DHRSX: variants seen among roughly 807,000 people sequenced by gnomAD.
DHRSX encodes polyprenol dehydrogenase.
DHRSX carries 31 observed loss-of-function variants against 34.0 expected under a neutral mutation model. The observed-to-expected ratio is 0.91, with a 90% CI of 0.69 to 1.23. The LOEUF is 1.23. Ranked by LOEUF, DHRSX falls within the 50% of genes most tolerant of loss-of-function variation. The pLI is 0.00. For missense variants in DHRSX, 414 were observed against 428.1 expected, an observed-to-expected ratio of 0.97 and a Z score of 0.29; for synonymous variants, 201 against 183.8, an observed-to-expected ratio of 1.09 and a Z score of -0.76.
intron 4 of DHRSX, among the ~76,000 whole-genome samples, chrX:2,270,590 GTGGAGGCTTGACAA>G (rs2041537502): frequency 6.6e-6 from 1 of 152,170 alleles, no homozygotes; most frequent in African/African-American, 2.4e-5. Context: ...CCTGGCCCCA[GTGGAGGCTTGACAA>G]TTGTGAGGTC....
rs190002850 is a variant in DHRSX at position 2,302,915 on chromosome X, G to T, written c.287-11312C>A. On this transcript the variant is annotated intron_variant, in intron 3 of 6. Coordinates refer to ENST00000334651, the MANE Select transcript of DHRSX (RefSeq NM_145177.3). Reference sequence around the variant, plus strand: ...CAGTTATCAATCTGCTGCAGATTAGGGGAGAGGCAGTTTTGCCATGGAGAG... The same window carrying T: ...CAGTTATCAATCTGCTGCAGATTAGTGGAGAGGCAGTTTTGCCATGGAGAG... 1.9e-3 allele frequency among the ~76,000 whole-genome samples: 296 copies of T among 152,158 alleles called. 1 individual carries two copies. The highest frequency in any genetic ancestry group is 6.9e-3 in the African/African-American group (287 of 41,528).
rs751239219 is a variant in DHRSX at position 2,329,686 on chromosome X, T to G, written c.287-38083A>C. On this transcript the variant is annotated intron_variant, in intron 3 of 6. Coordinates refer to ENST00000334651, the MANE Select transcript of DHRSX (RefSeq NM_145177.3). ...AAACACTATGACATCCACCACTGTT[T>G]GGTCACACCAATTCTTGACATTAAC... 2.0e-4 allele frequency among the ~76,000 whole-genome samples: 30 copies of G among 152,272 alleles called. No individual in the cohort carries two copies. In the East Asian group the frequency reaches 3.3e-3, roughly 17 times the overall value.
At chrX:2,380,247 G>C (rs2043187271) in intron 3 of DHRSX, among the ~76,000 whole-genome samples, 1 of 136,158 alleles carries the variant, frequency 7.3e-6, no homozygotes, top group Non-Finnish European at 1.5e-5. Flanking sequence ...GTTGCAGTGA[G>C]CTGAGATCAT....
chrX:2,451,628 A>G (rs1242148164), intron 1 of DHRSX, among the ~76,000 whole-genome samples: 1 of 152,218 alleles, frequency 6.6e-6, no homozygotes, highest in Non-Finnish European at 1.5e-5. Flanking sequence ...CCACGTGCAG[A>G]GAGGAGCAGG....
chrX:2,263,512 CTTTTTTTT>C (rs775187535), intron 5 of DHRSX, among the ~76,000 whole-genome samples: 24 of 130,460 alleles, frequency 1.8e-4, no homozygotes, highest in East Asian at 2.2e-4. Flanking sequence ...ATTTTTCTTT[CTTTTTTTT>C]TTTTTTTTTT....
chrX:2,282,510 C>A (rs1399241444), intron 4 of DHRSX, among the ~76,000 whole-genome samples: 1 of 131,858 alleles, frequency 7.6e-6, no homozygotes, highest in Admixed American at 8.1e-5. Flanking sequence ...GATAGAGAGA[C>A]AAGGGGAGAG....
At chrX:2,224,750 T>C (rs73626157) in intron 6 of DHRSX, among the ~76,000 whole-genome samples, 131,703 of 151,902 alleles carry the variant, frequency 0.87, 57,601 homozygotes, top group African/African-American at 0.96. Context: ...ACATGCACAC[T>C]TACTTGCACA....
intron 3 of DHRSX, among the ~76,000 whole-genome samples, chrX:2,365,012 A>G (rs112610771): frequency 2.6e-5 from 4 of 152,126 alleles, no homozygotes; most frequent in Non-Finnish European, 5.9e-5. Context: ...GACAACTGGC[A>G]TATCTATCTA....
chrX:2,382,156 C>A (rs1391109061), intron 3 of DHRSX, among the ~76,000 whole-genome samples: 1 of 152,122 alleles, frequency 6.6e-6, no homozygotes, highest in Non-Finnish European at 1.5e-5. Context: ...TATTCCATTC[C>A]CTCTTTCTGG....
At chrX:2,272,218 A>G (rs1363098244) in intron 4 of DHRSX, among the ~76,000 whole-genome samples, 3 of 152,164 alleles carry the variant, frequency 2.0e-5, no homozygotes, top group African/African-American at 7.2e-5. Context: ...TTGATGAACT[A>G]TAAACATCTT....
At chrX:2,481,367 A>C (rs2044767739) in intron 1 of DHRSX, among the ~76,000 whole-genome samples, 1 of 152,164 alleles carries the variant, frequency 6.6e-6, no homozygotes, top group Admixed American at 6.5e-5. Flanking sequence ...TTATGTGCTC[A>C]AGGTGTATCC....
At chrX:2,417,020 C>T (rs1312819950) in intron 2 of DHRSX, among the ~76,000 whole-genome samples, 1 of 152,068 alleles carries the variant, frequency 6.6e-6, no homozygotes, top group Non-Finnish European at 1.5e-5. Context: ...ATCCAATTAT[C>T]CTCAAAGTCA....
chrX:2,352,280 C>T (rs1047311686), intron 3 of DHRSX, among the ~76,000 whole-genome samples: 2 of 151,998 alleles, frequency 1.3e-5, no homozygotes, highest in Admixed American at 1.3e-4. Flanking sequence ...GGGTATTTTG[C>T]AAAGAAGCGA....
At chrX:2,362,381 A>T (rs1323937306) in intron 3 of DHRSX, among the ~76,000 whole-genome samples, 2 of 152,006 alleles carry the variant, frequency 1.3e-5, no homozygotes, top group Non-Finnish European at 2.9e-5. Flanking sequence ...GCTCACTGCA[A>T]CCTCCGCCTC....
chrX:2,480,764 G>A (rs1203472176), intron 1 of DHRSX, among the ~76,000 whole-genome samples: 1 of 152,066 alleles, frequency 6.6e-6, no homozygotes, highest in Non-Finnish European at 1.5e-5. Flanking sequence ...GCTGCCATGA[G>A]CTATGAACAT....
intron 1 of DHRSX, among the ~76,000 whole-genome samples, chrX:2,478,179 G>T (rs2044710274): frequency 6.6e-6 from 1 of 152,228 alleles, no homozygotes; most frequent in South Asian, 2.1e-4. Context: ...GCAGGAGAAG[G>T]AATGAATGCG....
At chrX:2,242,162 T>A (rs957024081) in intron 6 of DHRSX, among the ~76,000 whole-genome samples, 3 of 152,050 alleles carry the variant, frequency 2.0e-5, no homozygotes, top group African/African-American at 4.8e-5. Flanking sequence ...TTTCCTTTAT[T>A]CATGTTTCAA....
intron 1 of DHRSX, chrX:2,500,438 G>C (rs1377056040): frequency 6.1e-6 from 1 of 165,192 alleles, no homozygotes; most frequent in African/African-American, 2.4e-5. Flanking sequence ...GGCGCGGGGC[G>C]TGCGAGCCCC....
At chrX:2,357,700 T>TAAA (rs781233833) in intron 3 of DHRSX, among the ~76,000 whole-genome samples, 5 of 125,162 alleles carry the variant, frequency 4.0e-5, no homozygotes, top group Non-Finnish European at 5.1e-5. Flanking sequence ...CTCAGGAAAT[T>TAAA]AAAAAAAAAA....
Sources: allele counts gnomAD v4.1 joint callset (sites outside exome capture counted in the v4.1 genomes callset), GRCh38; gene constraint gnomAD v4.1.1; transcripts MANE v1.5; gene names NCBI Gene and HGNC (gene_info 2026-07-23, HGNC 2026-07-21).